TLK1: variants seen among roughly 807,000 people sequenced by gnomAD.
The protein encoded by TLK1 is tousled like kinase 1, also known as serine/threonine-protein kinase tousled-like 1.
In TLK1, 24 loss-of-function variants were observed where a neutral mutation model predicts 105.3. The ratio of observed to expected loss-of-function variants is 0.23; its 90% CI spans 0.17 to 0.32. TLK1 has a LOEUF of 0.32. Ranked by LOEUF, TLK1 falls within the 10% of genes least tolerant of loss-of-function variation. TLK1 has a pLI of 1.00. For synonymous variants in TLK1, 321 were observed against 310.4 expected, an observed-to-expected ratio of 1.03 and a Z score of -0.36; for missense variants, 558 against 910.5, an observed-to-expected ratio of 0.61 and a Z score of 4.98.
intron 3 of TLK1, among the ~76,000 whole-genome samples, chr2:171,077,856 T>C (rs552283069): frequency 6.6e-6 from 1 of 152,344 alleles, no homozygotes; most frequent in Non-Finnish European, 1.5e-5. Context: ...GAAATTTTCA[T>C]TGTGAATTCA....
chr2:171,020,765 C>T (rs946891482), intron 12 of TLK1, among the ~76,000 whole-genome samples: 1 of 152,054 alleles, frequency 6.6e-6, no homozygotes, highest in Non-Finnish European at 1.5e-5. Flanking sequence ...CTAGACAAAG[C>T]AGGTCTGACT....
intron 3 of TLK1, among the ~76,000 whole-genome samples, chr2:171,075,522 A>G (rs1688460726): frequency 6.6e-6 from 1 of 152,236 alleles, no homozygotes; most frequent in African/African-American, 2.4e-5. Flanking sequence ...GATTAAATTG[A>G]GAAAAACAGA....
intron 1 of TLK1, among the ~76,000 whole-genome samples, chr2:171,206,024 T>C (rs1693500115): frequency 6.6e-6 from 1 of 152,284 alleles, no homozygotes; most frequent in East Asian, 1.9e-4. Context: ...GCTACTGCAG[T>C]AAATGAAACT....
intron 11 of TLK1, chr2:171,045,903 CCTAA>C (rs1464602133): frequency 3.0e-6 from 1 of 330,088 alleles, no homozygotes; most frequent in Non-Finnish European, 5.4e-6. Flanking sequence ...TTAATTGATT[CCTAA>C]CTGATTCAGA....
chr2:171,079,143 C>T (rs1366327828), intron 3 of TLK1, among the ~76,000 whole-genome samples: 1 of 152,206 alleles, frequency 6.6e-6, no homozygotes, highest in Non-Finnish European at 1.5e-5. Context: ...CTCTCTTAAA[C>T]CAAACGACTT....
intron 11 of TLK1, among the ~76,000 whole-genome samples, chr2:171,036,594 C>T (rs1230845812): frequency 6.6e-6 from 1 of 152,188 alleles, no homozygotes; most frequent in African/African-American, 2.4e-5. Context: ...TTTGCTTCCA[C>T]TGCTTTTTGT....
intron 1 of TLK1, among the ~76,000 whole-genome samples, chr2:171,215,171 G>A (rs1054843345): frequency 1.3e-5 from 2 of 152,138 alleles, no homozygotes; most frequent in East Asian, 3.9e-4. Context: ...AAATGCCTGG[G>A]CTCAAGTGAT....
chr2:171,227,702 C>A (rs538838302), intron 1 of TLK1, among the ~76,000 whole-genome samples: 1 of 150,636 alleles, frequency 6.6e-6, no homozygotes, highest in South Asian at 2.1e-4. Flanking sequence ...TACAGCCCTC[C>A]CTTGTCTTAC....
At chr2:171,017,325 CTTAAT>C (rs1333364676) in intron 12 of TLK1, among the ~76,000 whole-genome samples, 1 of 152,176 alleles carries the variant, frequency 6.6e-6, no homozygotes, top group Admixed American at 6.5e-5. Context: ...TGCTTAAAAA[CTTAAT>C]TTGACTGTCA....
intron 1 of TLK1, among the ~76,000 whole-genome samples, chr2:171,215,371 G>A (rs796633170): frequency 2.9e-4 from 44 of 152,280 alleles, no homozygotes; most frequent in African/African-American, 1.1e-3. Context: ...ACAGAACAGA[G>A]TGCTCTTCTC....
intron 1 of TLK1, among the ~76,000 whole-genome samples, chr2:171,136,350 A>C (rs1691323393): frequency 6.6e-6 from 1 of 152,226 alleles, no homozygotes; most frequent in Non-Finnish European, 1.5e-5. Flanking sequence ...TAATGGGTGT[A>C]AAGTTACAGT....
At chr2:171,089,410 A>C (rs573292173) in intron 2 of TLK1, among the ~76,000 whole-genome samples, 31 of 152,286 alleles carry the variant, frequency 2.0e-4, no homozygotes, top group African/African-American at 7.0e-4. Context: ...TACCTTTCCC[A>C]TTTAAATCTA....
chr2:170,995,010 A>G (rs914724106), intron 20 of TLK1, among the ~76,000 whole-genome samples: 6 of 152,348 alleles, frequency 3.9e-5, no homozygotes, highest in African/African-American at 1.4e-4. Flanking sequence ...GAAATTCATT[A>G]GAAGTATATT....
At chr2:171,061,249 A>T in intron 3 of TLK1, 93 bp from the exon 4 acceptor site, 1 of 1,206,280 alleles carries the variant, frequency 8.3e-7, no homozygotes, top group South Asian at 1.3e-5. Context: ...GACCAAAAAA[A>T]TAGCATTCAG....
chr2:171,170,192 A>C (rs1014263221), intron 1 of TLK1, among the ~76,000 whole-genome samples: 2 of 152,220 alleles, frequency 1.3e-5, no homozygotes, highest in African/African-American at 4.8e-5. Context: ...TAAATAAAAT[A>C]AGACAAAAAG....
chr2:171,076,735 T>TA (rs35081277), intron 3 of TLK1, among the ~76,000 whole-genome samples: 4,612 of 125,010 alleles, frequency 0.037, 171 homozygotes, highest in East Asian at 0.23. Flanking sequence ...CCATCTCTAC[T>TA]AAAAAAAAAA....
chr2:171,188,864 G>T (rs1693088944), intron 1 of TLK1, among the ~76,000 whole-genome samples: 1 of 146,376 alleles, frequency 6.8e-6, no homozygotes, highest in South Asian at 2.2e-4. Flanking sequence ...GACAAAGCAA[G>T]ATTCTGTCTA....
At chr2:171,200,174 A>C (rs1304074593) in intron 1 of TLK1, among the ~76,000 whole-genome samples, 1 of 152,332 alleles carries the variant, frequency 6.6e-6, no homozygotes, top group East Asian at 1.9e-4. Context: ...AGAAATAGAA[A>C]TTGTGGCGTT....
chr2:171,103,868 C>G (rs1334169550), intron 2 of TLK1, among the ~76,000 whole-genome samples: 1 of 152,112 alleles, frequency 6.6e-6, no homozygotes, highest in African/African-American at 2.4e-5. Flanking sequence ...ATAGAAAACC[C>G]TAAAAGCTTC....
Sources: allele counts gnomAD v4.1 joint callset (sites outside exome capture counted in the v4.1 genomes callset), GRCh38; gene constraint gnomAD v4.1.1; transcripts MANE v1.5; gene names NCBI Gene and HGNC (gene_info 2026-07-23, HGNC 2026-07-21).